Variants in SLC35F4 observed in about 807,000 individuals in gnomAD.
SLC35F4 encodes the protein chromosome 14 open reading frame 36.
Under a neutral mutation model 44.2 loss-of-function variants are expected in SLC35F4, and 24 were observed. That is an observed-to-expected ratio of 0.54 (90% CI 0.39 to 0.76). The LOEUF is 0.76. SLC35F4 is among the 30% of genes least tolerant of loss of function. The pLI is 0.00. For missense variants in SLC35F4, 562 were observed against 586.1 expected, an observed-to-expected ratio of 0.96 and a Z score of 0.42; for synonymous variants, 238 against 223.6, an observed-to-expected ratio of 1.06 and a Z score of -0.57.
At chr14:57,790,453 A>C (rs1488545933) in intron 1 of SLC35F4, among the ~76,000 whole-genome samples, 1 of 152,148 alleles carries the variant, frequency 6.6e-6, no homozygotes, top group Non-Finnish European at 1.5e-5. Flanking sequence ...TCTTCAATGA[A>C]AACTACAAAC....
chr14:57,912,997 C>A (rs1198358050), intron 1 of SLC35F4, among the ~76,000 whole-genome samples: 1 of 151,980 alleles, frequency 6.6e-6, no homozygotes, highest in African/African-American at 2.4e-5. Context: ...TGAGTATTGA[C>A]CCATTTATCA....
chr14:57,693,810 T>C (rs992799711), intron 1 of SLC35F4, among the ~76,000 whole-genome samples: 1 of 152,124 alleles, frequency 6.6e-6, no homozygotes, highest in Non-Finnish European at 1.5e-5. Flanking sequence ...CCCCTAACTT[T>C]TTTTTTGCTT....
chr14:57,967,412 T>C (rs1880906329), intron 1 of SLC35F4, among the ~76,000 whole-genome samples: 1 of 152,214 alleles, frequency 6.6e-6, no homozygotes, highest in Non-Finnish European at 1.5e-5. Flanking sequence ...TATGGTTACA[T>C]GCATGTGTCC....
At chr14:57,927,063 G>A (rs1231951499) in intron 1 of SLC35F4, among the ~76,000 whole-genome samples, 1 of 152,206 alleles carries the variant, frequency 6.6e-6, no homozygotes, top group Non-Finnish European at 1.5e-5. Context: ...TAAAGGTGCA[G>A]CATATGTGAC....
chr14:57,793,281 A>G (rs2077973094), intron 1 of SLC35F4, among the ~76,000 whole-genome samples: 1 of 151,838 alleles, frequency 6.6e-6, no homozygotes, highest in South Asian at 2.1e-4. Context: ...TTAGGGGTAC[A>G]AGTGGTTTTT....
intron 1 of SLC35F4, among the ~76,000 whole-genome samples, chr14:57,752,844 A>C (rs950521328): frequency 6.6e-6 from 1 of 152,200 alleles, no homozygotes; most frequent in Non-Finnish European, 1.5e-5. Flanking sequence ...TTTAAGAAAC[A>C]CTGACACCTC....
chr14:57,726,955 C>T (rs2076218809), intron 1 of SLC35F4, among the ~76,000 whole-genome samples: 1 of 152,092 alleles, frequency 6.6e-6, no homozygotes, highest in African/African-American at 2.4e-5. Flanking sequence ...GGCCTAGCTT[C>T]CCAGCCTACA....
chr14:57,852,372 G>A (rs1886657150), intron 1 of SLC35F4, among the ~76,000 whole-genome samples: 2 of 152,274 alleles, frequency 1.3e-5, no homozygotes, highest in South Asian at 4.1e-4. Flanking sequence ...GGTCATGAAA[G>A]TGTGGTGGCA....
intron 1 of SLC35F4, among the ~76,000 whole-genome samples, chr14:57,878,925 A>G (rs1050700839): frequency 6.6e-6 from 1 of 152,202 alleles, no homozygotes; most frequent in Non-Finnish European, 1.5e-5. Flanking sequence ...AGAAACAACA[A>G]GTATAAAGGT....
intron 1 of SLC35F4, among the ~76,000 whole-genome samples, chr14:57,902,612 C>T (rs1025510385): frequency 3.3e-5 from 5 of 150,786 alleles, no homozygotes; most frequent in Non-Finnish European, 5.9e-5. Context: ...CTCCCAAGAA[C>T]TTATCCTATG....
intron 1 of SLC35F4, among the ~76,000 whole-genome samples, chr14:57,748,982 G>A (rs2140550651): frequency 6.6e-6 from 1 of 152,208 alleles, no homozygotes; most frequent in East Asian, 1.9e-4. Context: ...TCTGTTGTGG[G>A]TCTGAAGGTT....
chr14:57,634,332 C>T (rs1242220235), intron 1 of SLC35F4, among the ~76,000 whole-genome samples: 1 of 152,126 alleles, frequency 6.6e-6, no homozygotes, highest in Non-Finnish European at 1.5e-5. Context: ...AGTACATTCT[C>T]TCCTTCCTTC....
At chr14:57,725,767 T>C (rs2076186842) in intron 1 of SLC35F4, among the ~76,000 whole-genome samples, 1 of 152,176 alleles carries the variant, frequency 6.6e-6, no homozygotes, top group Non-Finnish European at 1.5e-5. Context: ...CAGAAGGCCA[T>C]GTATACTCTG....
At chr14:57,661,478 TC>T (rs2074134756) in intron 1 of SLC35F4, among the ~76,000 whole-genome samples, 1 of 152,190 alleles carries the variant, frequency 6.6e-6, no homozygotes, top group Non-Finnish European at 1.5e-5. Context: ...TCTACTTCCA[TC>T]TTTTATAAAC....
chr14:57,911,923 T>G (rs1380893219), intron 1 of SLC35F4, among the ~76,000 whole-genome samples: 2 of 151,976 alleles, frequency 1.3e-5, no homozygotes, highest in Admixed American at 1.3e-4. Context: ...CTTTCTATTT[T>G]GGAAGGTTAT....
At chr14:57,894,456 A>T (rs1329789035) in intron 1 of SLC35F4, among the ~76,000 whole-genome samples, 1 of 152,108 alleles carries the variant, frequency 6.6e-6, no homozygotes, top group Non-Finnish European at 1.5e-5. Flanking sequence ...TTTGAAAGAG[A>T]GGCACTCAGC....
chr14:57,802,331 T>C (rs2078211037), intron 1 of SLC35F4, among the ~76,000 whole-genome samples: 1 of 151,578 alleles, frequency 6.6e-6, no homozygotes, highest in Non-Finnish European at 1.5e-5. Flanking sequence ...GCCAAAGCAG[T>C]GTTAAGAGGG....
intron 1 of SLC35F4, among the ~76,000 whole-genome samples, chr14:57,601,465 C>T (rs1013623009): frequency 6.6e-6 from 1 of 152,112 alleles, no homozygotes. Context: ...CCCTTTCCCC[C>T]CTCCTCCCTC....
intron 1 of SLC35F4, among the ~76,000 whole-genome samples, chr14:57,780,333 A>G (rs1355870511): frequency 5.3e-5 from 8 of 152,282 alleles, no homozygotes; most frequent in African/African-American, 1.9e-4. Flanking sequence ...TCCCATTCAC[A>G]ATTGCCACAA....
Sources: allele counts gnomAD v4.1 joint callset (sites outside exome capture counted in the v4.1 genomes callset), GRCh38; gene constraint gnomAD v4.1.1; transcripts MANE v1.5; gene names NCBI Gene and HGNC (gene_info 2026-07-23, HGNC 2026-07-21).